Variants in CA10 observed in about 807,000 individuals in gnomAD.
CA10 encodes the protein carbonic anhydrase 10 (inactive), also known as carbonic anhydrase-related protein 10.
Under a neutral mutation model 44.2 loss-of-function variants are expected in CA10, and 14 were observed. The ratio of observed to expected loss-of-function variants is 0.32; its 90% CI spans 0.21 to 0.50. The LOEUF (loss-of-function observed/expected upper bound fraction) is 0.50. Among genes scored for constraint, CA10 ranks in the 20% least tolerant of loss-of-function variants. The pLI is 0.99. For synonymous variants in CA10, 159 were observed against 141.6 expected, an observed-to-expected ratio of 1.12 and a Z score of -0.87; for missense variants, 350 against 409.7, an observed-to-expected ratio of 0.85 and a Z score of 1.26.
chr17:51,921,094 G>T (rs946884944), intron 3 of CA10, among the ~76,000 whole-genome samples: 1 of 152,140 alleles, frequency 6.6e-6, no homozygotes, highest in Admixed American at 6.5e-5. Flanking sequence ...CCTTTAGGAG[G>T]ATTTACATCC....
chr17:52,081,000 G>A (rs1987959944), intron 1 of CA10, among the ~76,000 whole-genome samples: 1 of 152,024 alleles, frequency 6.6e-6, no homozygotes, highest in Non-Finnish European at 1.5e-5. Context: ...TTATTAGGTG[G>A]GCGCAAAAGT....
intron 4 of CA10, among the ~76,000 whole-genome samples, chr17:51,654,212 C>A (rs1913692517): frequency 6.6e-6 from 1 of 152,210 alleles, no homozygotes; most frequent in Admixed American, 6.5e-5. Context: ...GGCCAGCCTG[C>A]AAGATGCAGT....
At chr17:52,108,175 ATT>A (rs931486471) in intron 1 of CA10, among the ~76,000 whole-genome samples, 62 of 139,874 alleles carry the variant, frequency 4.4e-4, no homozygotes, top group African/African-American at 1.5e-3. Context: ...TTTTTAATAT[ATT>A]TTTATATATA....
intron 2 of CA10, among the ~76,000 whole-genome samples, chr17:51,947,267 CTT>C (rs1983316664): frequency 1.5e-5 from 2 of 136,568 alleles, no homozygotes; most frequent in African/African-American, 5.3e-5. Context: ...CTTGTCTAGA[CTT>C]TGAGTCACCT....
At chr17:51,765,066 GAA>G (rs1248602609) in intron 3 of CA10, among the ~76,000 whole-genome samples, 2 of 152,068 alleles carry the variant, frequency 1.3e-5, no homozygotes, top group Non-Finnish European at 2.9e-5. Context: ...GATTTTAAAT[GAA>G]AAATGGTGCT....
chr17:51,984,347 A>G (rs1016358518), intron 2 of CA10, among the ~76,000 whole-genome samples: 6 of 151,938 alleles, frequency 3.9e-5, no homozygotes, highest in Non-Finnish European at 7.4e-5. Flanking sequence ...CCTCTGGAAT[A>G]CAGCAAAGGC....
chr17:52,156,694 T>C (rs959655938), intron 1 of CA10, among the ~76,000 whole-genome samples: 1 of 152,184 alleles, frequency 6.6e-6, no homozygotes, highest in Non-Finnish European at 1.5e-5. Flanking sequence ...AATATCCTGC[T>C]CTCCTCTTCT....
chr17:51,837,200 A>G (rs900519653), intron 3 of CA10, among the ~76,000 whole-genome samples: 2 of 152,156 alleles, frequency 1.3e-5, no homozygotes, highest in African/African-American at 4.8e-5. Flanking sequence ...AAGATCCTCC[A>G]AGGAAGAGAT....
chr17:51,820,935 AG>A (rs1195296500), intron 3 of CA10, among the ~76,000 whole-genome samples: 1 of 151,970 alleles, frequency 6.6e-6, no homozygotes, highest in Non-Finnish European at 1.5e-5. Flanking sequence ...AGAAATCTTG[AG>A]GATTGTTACC....
intron 1 of CA10, among the ~76,000 whole-genome samples, chr17:52,080,748 TCTA>T (rs1304184803): frequency 1.3e-5 from 2 of 152,096 alleles, no homozygotes; most frequent in African/African-American, 2.4e-5. Context: ...TCCTTCTTTG[TCTA>T]CTTTTTCTTG....
Position 52,123,524 on chromosome 17 carries a change from C to A in CA10, c.61+34202G>T, listed in dbSNP as rs183867409. 7.2e-5 allele frequency among the ~76,000 whole-genome samples: 11 copies of A among 152,142 alleles called. No individual in the cohort carries two copies. The East Asian group carries it at 2.1e-3, about 29-fold the overall frequency. On this transcript the variant is annotated intron_variant, in intron 1 of 8. Transcript: ENST00000451037. ...GAAACAAATCAGCTATGGCAAACAA[C>A]TGAAAGAGATCTGGTAGAGCAATGA...
intron 2 of CA10, among the ~76,000 whole-genome samples, chr17:52,035,797 C>T (rs1027483536): frequency 8.5e-5 from 13 of 152,310 alleles, no homozygotes; most frequent in African/African-American, 2.2e-4. Flanking sequence ...GAGTTGAGGG[C>T]GGTGGGCTAT....
chr17:52,133,860 T>C (rs1989294226), intron 1 of CA10, among the ~76,000 whole-genome samples: 1 of 152,134 alleles, frequency 6.6e-6, no homozygotes, highest in Non-Finnish European at 1.5e-5. Context: ...CAATTAATGG[T>C]CACTTAATGA....
chr17:52,135,592 C>T (rs1843868082), intron 1 of CA10, among the ~76,000 whole-genome samples: 1 of 152,172 alleles, frequency 6.6e-6, no homozygotes, highest in African/African-American at 2.4e-5. Context: ...ATTCCCTTTA[C>T]CTCTCCCTTG....
intron 4 of CA10, among the ~76,000 whole-genome samples, chr17:51,731,863 C>T (rs1405747643): frequency 6.6e-6 from 1 of 151,836 alleles, no homozygotes; most frequent in African/African-American, 2.4e-5. Context: ...TTAGTAGAGA[C>T]AGGGTTTCAA....
chr17:51,764,980 A>G (rs147367560), intron 3 of CA10, among the ~76,000 whole-genome samples: 216 of 152,364 alleles, frequency 1.4e-3, no homozygotes, highest in African/African-American at 5.0e-3. Flanking sequence ...TTGATTTTTA[A>G]AAGGTTGTGT....
In CA10 at chr17:51,853,555, T is replaced by A. The variant is rs184999972; in HGVS notation, c.279+77435A>T. ...TTAGCCCAGGTCACCTCTTGGTGCA[T>A]TTACTCCAATCTGTGCTTCTTTCTG... On this transcript the variant is annotated intron_variant, in intron 3 of 8. Coordinates refer to ENST00000451037, the MANE Select transcript of CA10 (RefSeq NM_020178.5). Among the ~76,000 whole-genome samples, 124 of 152,310 alleles carry A rather than the reference T, an allele frequency of 8.1e-4. 1 individual carries two copies. The East Asian group carries it at 0.018, about 22-fold the overall frequency.
chr17:52,067,350 C>A (rs1212928188), intron 2 of CA10, among the ~76,000 whole-genome samples: 1 of 152,228 alleles, frequency 6.6e-6, no homozygotes, highest in Non-Finnish European at 1.5e-5. Flanking sequence ...TGGTGTTGGG[C>A]CTGTGGGTGC....
intron 4 of CA10, among the ~76,000 whole-genome samples, chr17:51,729,114 A>C (rs1453228429): frequency 6.6e-6 from 1 of 152,080 alleles, no homozygotes; most frequent in African/African-American, 2.4e-5. Context: ...GGAAAGCCAC[A>C]GTCCCAACAC....
Sources: gnomAD v4.1 joint callset for allele counts (sites outside exome capture counted in the v4.1 genomes callset) on GRCh38, gnomAD v4.1.1 for gene constraint, MANE v1.5 for transcripts, NCBI Gene and HGNC (gene_info 2026-07-23, HGNC 2026-07-21) for gene names.